Variants in AP2B1 observed in about 807,000 individuals in gnomAD.
AP2B1 encodes AP-2 complex subunit beta.
A neutral mutation model predicts 102.0 loss-of-function variants in AP2B1; 23 were observed. The ratio of observed to expected loss-of-function variants is 0.23; its 90% confidence interval spans 0.16 to 0.32. The LOEUF (loss-of-function observed/expected upper bound fraction) is 0.32, where lower values mean the gene tolerates loss of function less well. Among genes scored for constraint, AP2B1 ranks in the 10% least tolerant of loss-of-function variants. The probability of loss-of-function intolerance (pLI) is 1.00; values close to 1 mark genes in which losing one functional copy is unlikely to be tolerated. For synonymous variants in AP2B1, 381 were observed against 421.2 expected, an observed-to-expected ratio of 0.90 and a Z score of 1.17; for missense variants, 541 against 1,157.4, an observed-to-expected ratio of 0.47 and a Z score of 7.73.
At position 35,722,530 on chromosome 17, in the gene AP2B1, C is replaced by T. The variant is rs1453850960; in HGVS notation, c.2782-1095C>T. ...TTTTGCATTTTAAATTTTACTTTAA[C>T]TTTTTAGGTTGTTAGTTTTTAGGAA... On this transcript the variant is annotated intron_variant, in intron 21 of 21. Transcript: ENST00000610402. Among the ~76,000 whole-genome samples, 4 of 151,974 alleles carry T rather than the reference C, an allele frequency of 2.6e-5. No individual in the cohort carries two copies. In the South Asian group the frequency reaches 6.2e-4, roughly 24 times the overall value.
At chr17:35,703,426 A>G (rs948641048) in intron 18 of AP2B1, among the ~76,000 whole-genome samples, 3 of 152,152 alleles carry the variant, frequency 2.0e-5, no homozygotes, top group East Asian at 3.8e-4. Flanking sequence ...CATGGCATCA[A>G]CCTAAATGCC....
rs1555594693 is a variant in AP2B1, at chr17:35,724,866, G to A, written c.*1167G>A. 1.3e-5 allele frequency: 2 copies of A among 152,106 alleles called. No homozygotes were observed. Among genetic ancestry groups the A allele is most frequent in the African/African-American group, 4.8e-5 (2 of 41,400 alleles). 9.4% of individuals were successfully genotyped at this position (152,106 alleles called of 1,614,324 possible). A position where few individuals can be genotyped will look rare whatever the true frequency, so the allele number is the denominator to read the frequency against. ...ATTGATTTTGACGCTCTGTATATTGGCATCAGGTGGCAGCTGAATATCTTT... is the reference window on the plus strand; with the variant it reads ...ATTGATTTTGACGCTCTGTATATTGACATCAGGTGGCAGCTGAATATCTTT... On this transcript the variant is annotated 3_prime_UTR_variant, in exon 22 of 22. Coordinates refer to ENST00000610402, the MANE Select transcript of AP2B1 (RefSeq NM_001030006.2).
intron 5 of AP2B1, among the ~76,000 whole-genome samples, chr17:35,614,891 A>G (rs1312855006): frequency 1.3e-5 from 2 of 152,198 alleles, no homozygotes; most frequent in Non-Finnish European, 2.9e-5. Context: ...GCACGTAGAC[A>G]CAGCATGGGA....
intron 5 of AP2B1, among the ~76,000 whole-genome samples, chr17:35,609,548 C>T (rs138114070): frequency 0.063 from 9,531 of 152,126 alleles, 412 homozygotes; most frequent in Middle Eastern, 0.11. Flanking sequence ...GGGGCTTCAC[C>T]GTGTTAGCCA....
intron 3 of AP2B1, among the ~76,000 whole-genome samples, chr17:35,602,047 A>G (rs1355644260): frequency 6.6e-6 from 1 of 152,204 alleles, no homozygotes; most frequent in African/African-American, 2.4e-5. Context: ...TGGTTTTGCC[A>G]AGCTTATTTC....
intron 2 of AP2B1, among the ~76,000 whole-genome samples, chr17:35,596,101 A>G (rs1400915657): frequency 6.6e-6 from 1 of 152,198 alleles, no homozygotes; most frequent in Non-Finnish European, 1.5e-5. Flanking sequence ...AACACCCACC[A>G]GAACTGCCAC....
intron 21 of AP2B1, among the ~76,000 whole-genome samples, chr17:35,720,289 A>G (rs1193118372): frequency 6.6e-6 from 1 of 152,064 alleles, no homozygotes; most frequent in African/African-American, 2.4e-5. Context: ...AGCTCAGGTC[A>G]CATTAACCCA....
chr17:35,695,182 G>C (rs966087214), intron 18 of AP2B1, among the ~76,000 whole-genome samples: 22 of 152,316 alleles, frequency 1.4e-4, no homozygotes, highest in African/African-American at 4.8e-4. Context: ...ATTGTAGGCT[G>C]CTAGAAGAGG....
At chr17:35,611,950 C>A (rs969503522) in intron 5 of AP2B1, among the ~76,000 whole-genome samples, 3 of 152,112 alleles carry the variant, frequency 2.0e-5, no homozygotes, top group Admixed American at 6.5e-5. Flanking sequence ...CAAATCAAAA[C>A]GTGACTTGGG....
chr17:35,705,438 G>C (rs2076321682), intron 18 of AP2B1, among the ~76,000 whole-genome samples: 1 of 152,172 alleles, frequency 6.6e-6, no homozygotes, highest in Non-Finnish European at 1.5e-5. Flanking sequence ...GCATATGTAA[G>C]ATTTCAGATA....
intron 18 of AP2B1, among the ~76,000 whole-genome samples, chr17:35,704,760 C>T (rs187512491): frequency 2.6e-5 from 4 of 152,196 alleles, no homozygotes; most frequent in African/African-American, 4.8e-5. Flanking sequence ...AGGCTGGGTG[C>T]GGTGGCTCAC....
At chr17:35,681,045 C>T (rs765133102) in intron 17 of AP2B1, among the ~76,000 whole-genome samples, 13 of 152,136 alleles carry the variant, frequency 8.5e-5, no homozygotes, top group African/African-American at 1.4e-4. Flanking sequence ...TGTCCTCCCA[C>T]ATATGTATTT....
chr17:35,591,336 C>G (rs2073092908), intron 1 of AP2B1, among the ~76,000 whole-genome samples: 1 of 152,002 alleles, frequency 6.6e-6, no homozygotes, highest in Non-Finnish European at 1.5e-5. Context: ...CCATGCCCGG[C>G]TAATTTTTGT....
chr17:35,669,435 C>T (rs190259628), intron 14 of AP2B1, among the ~76,000 whole-genome samples: 204 of 152,306 alleles, frequency 1.3e-3, no homozygotes, highest in Non-Finnish European at 2.4e-3. Context: ...AGCCACCACG[C>T]CCAGCCAAGG....
chr17:35,591,026 T>C (rs1333627455), intron 1 of AP2B1, among the ~76,000 whole-genome samples: 3 of 151,794 alleles, frequency 2.0e-5, no homozygotes, highest in African/African-American at 7.3e-5. Context: ...ATACAAAAAT[T>C]AGCTGGGCGT....
chr17:35,620,620 G>A (rs951125766), intron 5 of AP2B1, among the ~76,000 whole-genome samples: 1 of 152,176 alleles, frequency 6.6e-6, no homozygotes, highest in Non-Finnish European at 1.5e-5. Flanking sequence ...TTCAAGACCA[G>A]CCTGGGCAAT....
chr17:35,639,324 A>T (rs1301584934), intron 10 of AP2B1, among the ~76,000 whole-genome samples: 1 of 152,150 alleles, frequency 6.6e-6, no homozygotes, highest in African/African-American at 2.4e-5. Context: ...CAAGAGTGAG[A>T]CCCTGTCTCC....
At chr17:35,652,738 A>G (rs1399962662) in intron 13 of AP2B1, among the ~76,000 whole-genome samples, 1 of 152,144 alleles carries the variant, frequency 6.6e-6, no homozygotes, top group African/African-American at 2.4e-5. Context: ...AACTCACTTT[A>G]TCTTCTCATA....
rs1276616609 is a variant in AP2B1, at chr17:35,725,469, G to C, written c.*1770G>C. ...TCTGAAATAACCCTGTTTCATACCAGTTGCAAAGCTTGTGGGGAGCGGTCC... is the reference window on the plus strand; with the variant it reads ...TCTGAAATAACCCTGTTTCATACCACTTGCAAAGCTTGTGGGGAGCGGTCC... On this transcript the variant is annotated 3_prime_UTR_variant, in exon 22 of 22. Coordinates refer to ENST00000610402, the MANE Select transcript of AP2B1 (RefSeq NM_001030006.2). 4 of 152,180 alleles carry C rather than the reference G, an allele frequency of 2.6e-5. No individual in the cohort carries two copies. The highest frequency in any genetic ancestry group is 9.7e-5 in the African/African-American group (4 of 41,432). 9.4% of individuals were successfully genotyped at this position (152,180 alleles called of 1,614,324 possible).
Sources: gnomAD v4.1 joint callset for allele counts (sites outside exome capture counted in the v4.1 genomes callset) on GRCh38, gnomAD v4.1.1 for gene constraint, MANE v1.5 for transcripts, NCBI Gene and HGNC (gene_info 2026-07-23, HGNC 2026-07-21) for gene names.